KIF26B: variants seen among roughly 807,000 people sequenced by gnomAD.
KIF26B encodes the protein kinesin family member 26B.
KIF26B carries 63 observed loss-of-function variants against 151.2 expected under a neutral mutation model. The ratio of observed to expected loss-of-function variants is 0.42; its 90% CI spans 0.34 to 0.51. The LOEUF (loss-of-function observed/expected upper bound fraction) is 0.51, where lower values mean the gene tolerates loss of function less well. KIF26B is among the 20% of genes least tolerant of loss of function. KIF26B has a pLI of 0.07. For missense variants in KIF26B, 2,813 were observed against 2,913.6 expected (o/e 0.97, Z 0.79); for synonymous variants, 1,357 against 1,262.1 (o/e 1.08, Z -1.59).
intron 4 of KIF26B, among the ~76,000 whole-genome samples, chr1:245,445,026 A>G (rs1659215197): frequency 6.6e-6 from 1 of 152,208 alleles, no homozygotes; most frequent in African/African-American, 2.4e-5. Flanking sequence ...CCAGCTGAAC[A>G]TGAACCCCAA....
intron 12 of KIF26B, among the ~76,000 whole-genome samples, chr1:245,690,288 C>T (rs567397092): frequency 2.0e-5 from 3 of 152,356 alleles, no homozygotes; most frequent in East Asian, 3.9e-4. Context: ...TCTCCCCTCC[C>T]GCTGCCCTTC....
At chr1:245,292,023 G>A (rs1671261188) in intron 2 of KIF26B, among the ~76,000 whole-genome samples, 2 of 152,180 alleles carry the variant, frequency 1.3e-5, no homozygotes, top group African/African-American at 4.8e-5. Context: ...ACAGACACAG[G>A]GGAGGTGACC....
chr1:245,197,178 T>C (rs1669210892), intron 2 of KIF26B, among the ~76,000 whole-genome samples: 1 of 152,216 alleles, frequency 6.6e-6, no homozygotes, highest in Non-Finnish European at 1.5e-5. Flanking sequence ...CTCAAGATGT[T>C]GCAGGCCTGA....
chr1:245,305,955 A>T (rs1671530979), intron 2 of KIF26B, among the ~76,000 whole-genome samples: 1 of 151,330 alleles, frequency 6.6e-6, no homozygotes, highest in Non-Finnish European at 1.5e-5. Context: ...AAAAAAAAAA[A>T]AAGAAAAGAA....
chr1:245,616,960 G>A (rs1309945676), intron 9 of KIF26B, among the ~76,000 whole-genome samples: 1 of 152,184 alleles, frequency 6.6e-6, no homozygotes, highest in African/African-American at 2.4e-5. Context: ...TTGCCTCTGT[G>A]GGGAGGATTA....
At chr1:245,442,731 G>A (rs1659138684) in intron 4 of KIF26B, among the ~76,000 whole-genome samples, 1 of 149,856 alleles carries the variant, frequency 6.7e-6, no homozygotes, top group African/African-American at 2.5e-5. Context: ...TTCACCTAGA[G>A]CTGTCATCTC....
chr1:245,275,943 T>C (rs1338279350), intron 2 of KIF26B, among the ~76,000 whole-genome samples: 1 of 152,186 alleles, frequency 6.6e-6, no homozygotes, highest in Non-Finnish European at 1.5e-5. Context: ...TTGAATGTAT[T>C]GTCTCACTTG....
chr1:245,535,310 C>T (rs1661465539), intron 4 of KIF26B, among the ~76,000 whole-genome samples: 2 of 152,118 alleles, frequency 1.3e-5, no homozygotes, highest in Admixed American at 6.5e-5. Flanking sequence ...GAATCTATGG[C>T]TGTAAAAATG....
Position 245,166,330 on chromosome 1 carries a change from C to T in KIF26B, c.465+9647C>T, listed in dbSNP as rs1401010016. Among the ~76,000 whole-genome samples the T allele has an allele frequency of 6.6e-6, 1 of 152,140 alleles. No individual in the cohort carries two copies. The highest frequency in any genetic ancestry group is 2.4e-5 in the African/African-American group (1 of 41,436). On this transcript the variant is annotated intron_variant, in intron 2 of 14. Transcript: ENST00000407071. The surrounding 1 kb of genome is among the most constrained non-coding windows in gnomAD (Gnocchi z 4.5). ...ATCTGACACGAAAATGGAGAAACAG[C>T]AGTCAGAGAAAATGAAAGCATTCAG...
intron 2 of KIF26B, among the ~76,000 whole-genome samples, chr1:245,204,603 ACCTCAGGTGATCCACCTGCCTTGG>A (rs1310345932): frequency 6.6e-6 from 1 of 151,608 alleles, no homozygotes; most frequent in Non-Finnish European, 1.5e-5. Context: ...CGAGCTCCTG[ACCTCAGGTGATCCACCTGCCTTGG>A]CCTCCTAAAG....
intron 2 of KIF26B, among the ~76,000 whole-genome samples, chr1:245,287,692 G>A (rs1381527461): frequency 1.3e-5 from 2 of 151,792 alleles, no homozygotes; most frequent in South Asian, 2.1e-4. Flanking sequence ...TATTAGAGAC[G>A]GGATTTCTCC....
intron 2 of KIF26B, among the ~76,000 whole-genome samples, chr1:245,295,448 C>T (rs1256959014): frequency 1.3e-5 from 2 of 152,146 alleles, no homozygotes; most frequent in African/African-American, 4.8e-5. Flanking sequence ...AGAACTCTAC[C>T]CATGGGTCCG....
rs74514880 is a variant in KIF26B at position 245,166,621 on chromosome 1, A to C, written c.465+9938A>C. Among the ~76,000 whole-genome samples, 85 of 152,272 alleles carry C rather than the reference A, an allele frequency of 5.6e-4. No individual in the cohort carries two copies. The highest frequency in any genetic ancestry group is 2.0e-3 in the African/African-American group (82 of 41,554). ...GGCTCCGGGGAATGAGGGAGAGCAGATTTCCTCCAGTGACTGCGCATGCGA... is the reference window on the plus strand; with the variant it reads ...GGCTCCGGGGAATGAGGGAGAGCAGCTTTCCTCCAGTGACTGCGCATGCGA... On this transcript the variant is annotated intron_variant, in intron 2 of 14. Coordinates refer to ENST00000407071, the MANE Select transcript of KIF26B (RefSeq NM_018012.4). This position sits in a 1 kb window ranked among gnomAD's most constrained non-coding sequence, Gnocchi z 4.5.
chr1:245,583,488 G>A (rs987499838), intron 5 of KIF26B, among the ~76,000 whole-genome samples: 3 of 152,168 alleles, frequency 2.0e-5, no homozygotes, highest in Non-Finnish European at 4.4e-5. Flanking sequence ...ACCCAAGCCT[G>A]ACCTTGACCT....
At chr1:245,268,409 CA>C (rs1670786882) in intron 2 of KIF26B, among the ~76,000 whole-genome samples, 1 of 150,838 alleles carries the variant, frequency 6.6e-6, no homozygotes, top group Admixed American at 6.6e-5. Context: ...GCAGATGTTG[CA>C]GTGAGCCGAG....
At chr1:245,426,244 C>G (rs1658647695) in intron 4 of KIF26B, among the ~76,000 whole-genome samples, 1 of 151,596 alleles carries the variant, frequency 6.6e-6, no homozygotes, top group Non-Finnish European at 1.5e-5. Context: ...GTTTTTCCAT[C>G]TGCTCTTGAA....
At chr1:245,685,186 C>G (rs940493122) in intron 11 of KIF26B, among the ~76,000 whole-genome samples, 3 of 152,268 alleles carry the variant, frequency 2.0e-5, no homozygotes, top group African/African-American at 7.2e-5. Context: ...AGCTGTTTCC[C>G]CAGCGTGCCA....
At chr1:245,214,401 A>G (rs906309373) in intron 2 of KIF26B, among the ~76,000 whole-genome samples, 4 of 151,722 alleles carry the variant, frequency 2.6e-5, no homozygotes, top group African/African-American at 9.7e-5. Context: ...ATATCATCAT[A>G]AACTCTGTCA....
intron 2 of KIF26B, among the ~76,000 whole-genome samples, chr1:245,267,683 CAA>C (rs1275757723): frequency 7.6e-6 from 1 of 132,030 alleles, no homozygotes; most frequent in Non-Finnish European, 1.6e-5. Context: ...CACACACACA[CAA>C]AAGGAGAAAA....
Sources: allele counts gnomAD v4.1 joint callset (sites outside exome capture counted in the v4.1 genomes callset), GRCh38; gene constraint gnomAD v4.1.1; non-coding constraint Gnocchi (gnomAD v3.1); transcripts MANE v1.5; gene names NCBI Gene and HGNC (gene_info 2026-07-23, HGNC 2026-07-21).